Variants in SLC35F3 observed in about 807,000 individuals in gnomAD.
SLC35F3 encodes the protein solute carrier family 35 member F3.
Under a neutral mutation model 49.9 loss-of-function variants are expected in SLC35F3, and 25 were observed. The observed-to-expected ratio is 0.50, with a 90% confidence interval of 0.37 to 0.70. The LOEUF (loss-of-function observed/expected upper bound fraction) is 0.70. Ranked by LOEUF, SLC35F3 falls within the 30% of genes least tolerant of loss-of-function variation. SLC35F3 has a pLI of 0.00. For missense variants in SLC35F3, 525 were observed against 639.8 expected (o/e 0.82, Z 1.94); for synonymous variants, 275 against 265.4 (o/e 1.04, Z -0.35).
chr1:234,130,413 G>A (rs1057296955), intron 2 of SLC35F3, among the ~76,000 whole-genome samples: 96 of 151,304 alleles, frequency 6.3e-4, no homozygotes, highest in Non-Finnish European at 2.2e-4. Flanking sequence ...GGCCGAGGCG[G>A]GCAGATCACG....
chr1:234,137,430 G>A (rs1665827654), intron 2 of SLC35F3, among the ~76,000 whole-genome samples: 1 of 152,224 alleles, frequency 6.6e-6, no homozygotes, highest in South Asian at 2.1e-4. Context: ...AATCCCCAGA[G>A]CATCAGTGAT....
intron 2 of SLC35F3, among the ~76,000 whole-genome samples, chr1:234,010,867 G>A (rs1663707110): frequency 6.6e-6 from 1 of 152,064 alleles, no homozygotes; most frequent in East Asian, 1.9e-4. Context: ...ACAGAGAAGG[G>A]CATTATATAA....
chr1:234,080,275 G>T (rs1172892485), intron 2 of SLC35F3, among the ~76,000 whole-genome samples: 1 of 152,196 alleles, frequency 6.6e-6, no homozygotes, highest in Non-Finnish European at 1.5e-5. Context: ...GCCTGGGAGG[G>T]CATGGAAGCT....
At chr1:233,983,510 G>T (rs546169173) in intron 2 of SLC35F3, among the ~76,000 whole-genome samples, 65 of 152,294 alleles carry the variant, frequency 4.3e-4, no homozygotes, top group Non-Finnish European at 8.2e-4. Flanking sequence ...AGTATAAAAC[G>T]TGAAAAATAT....
chr1:233,906,318 G>A (rs1028582589), intron 2 of SLC35F3, among the ~76,000 whole-genome samples: 5 of 152,176 alleles, frequency 3.3e-5, no homozygotes, highest in African/African-American at 1.2e-4. Flanking sequence ...ATTCTAGATA[G>A]TGGTGTTGGT....
chr1:233,949,505 G>A (rs575760051), intron 2 of SLC35F3, among the ~76,000 whole-genome samples: 10 of 152,322 alleles, frequency 6.6e-5, no homozygotes, highest in Non-Finnish European at 1.5e-4. Context: ...ATGCAAAGAT[G>A]GAGGGAATTA....
At chr1:234,031,450 A>C (rs190290719) in intron 2 of SLC35F3, among the ~76,000 whole-genome samples, 10 of 152,342 alleles carry the variant, frequency 6.6e-5, no homozygotes, top group African/African-American at 2.4e-4. Context: ...GCAGAGTCAC[A>C]GCTACTAGCT....
At chr1:233,919,168 T>A (rs1662021067) in intron 2 of SLC35F3, among the ~76,000 whole-genome samples, 1 of 152,218 alleles carries the variant, frequency 6.6e-6, no homozygotes, top group East Asian at 1.9e-4. Flanking sequence ...CTATGCCTAT[T>A]TACTTCAGTT....
intron 2 of SLC35F3, among the ~76,000 whole-genome samples, chr1:233,990,039 A>C (rs1663327420): frequency 6.6e-6 from 1 of 152,220 alleles, no homozygotes; most frequent in African/African-American, 2.4e-5. Context: ...CTGTATCATA[A>C]ACTAGCAAAC....
At chr1:234,287,102 G>T (rs927982871) in intron 3 of SLC35F3, among the ~76,000 whole-genome samples, 1 of 152,124 alleles carries the variant, frequency 6.6e-6, no homozygotes, top group Non-Finnish European at 1.5e-5. Flanking sequence ...GGGAGGCTGC[G>T]GTAGGAAGAT....
chr1:233,984,169 G>T (rs966565477), intron 2 of SLC35F3, among the ~76,000 whole-genome samples: 1 of 152,088 alleles, frequency 6.6e-6, no homozygotes, highest in Non-Finnish European at 1.5e-5. Flanking sequence ...AAAGCTACTC[G>T]GCTCTTCTCT....
intron 2 of SLC35F3, among the ~76,000 whole-genome samples, chr1:233,982,727 G>A (rs1663205985): frequency 6.6e-6 from 1 of 152,220 alleles, no homozygotes. Context: ...CTGACTATAT[G>A]CAAGGCACCG....
chr1:234,272,379 CAAGTT>C (rs1668121550), intron 3 of SLC35F3: 1 of 152,208 alleles, frequency 6.6e-6, no homozygotes, highest in Non-Finnish European at 1.5e-5. Flanking sequence ...TAAGACCAGA[CAAGTT>C]AAGAAGTAGC....
At chr1:234,299,257 G>A (rs1032065728) in intron 3 of SLC35F3, among the ~76,000 whole-genome samples, 1 of 152,196 alleles carries the variant, frequency 6.6e-6, no homozygotes, top group African/African-American at 2.4e-5. Flanking sequence ...AAAGACTTTA[G>A]TAGTCTCATA....
intron 2 of SLC35F3, among the ~76,000 whole-genome samples, chr1:234,117,668 C>T (rs12723777): frequency 0.14 from 20,392 of 149,898 alleles, 3,038 homozygotes; most frequent in East Asian, 0.81. Context: ...TGGTGGATCA[C>T]GAGGTCAGGA....
At chr1:233,933,879 G>A (rs1290070041) in intron 2 of SLC35F3, among the ~76,000 whole-genome samples, 1 of 152,140 alleles carries the variant, frequency 6.6e-6, no homozygotes, top group Non-Finnish European at 1.5e-5. Context: ...GCACACGGAA[G>A]AGGAAGAAAA....
intron 2 of SLC35F3, among the ~76,000 whole-genome samples, chr1:234,217,357 G>A (rs1214338378): frequency 2.6e-5 from 4 of 152,058 alleles, no homozygotes; most frequent in Non-Finnish European, 5.9e-5. Context: ...GCAAGGCCCT[G>A]GAAAGGCAAA....
rs76122361 is a variant in SLC35F3, at chr1:233,913,499, C to T, written c.283+7741C>T. Among the ~76,000 whole-genome samples, 1,246 of 152,264 alleles carry T rather than the reference C, an allele frequency of 8.2e-3. 17 individuals carry two copies. Among genetic ancestry groups the T allele is most frequent in the African/African-American group, 0.029 (1,194 of 41,540 alleles). ...GAAGCTGTTGCAGATAGAAAGCTCT[C>T]TAGGGGCAGGGCTTGTTATTGTGTC... On this transcript the variant is annotated intron_variant, in intron 2 of 7. Coordinates refer to ENST00000366618, the MANE Select transcript of SLC35F3 (RefSeq NM_173508.4).
chr1:234,143,288 C>CTTTTCTTTTCTTTTT (rs1478216426), intron 2 of SLC35F3, among the ~76,000 whole-genome samples: 2 of 123,564 alleles, frequency 1.6e-5, no homozygotes, highest in East Asian at 3.1e-4. Context: ...CTTTTCTTTT[C>CTTTTCTTTTCTTTTT]TTTTTTTTTT....
Sources: gnomAD v4.1 joint callset for allele counts (sites outside exome capture counted in the v4.1 genomes callset) on GRCh38, gnomAD v4.1.1 for gene constraint, MANE v1.5 for transcripts, NCBI Gene and HGNC (gene_info 2026-07-23, HGNC 2026-07-21) for gene names.